GNG12: variants seen among roughly 807,000 people sequenced by gnomAD.
The protein encoded by GNG12 is G protein subunit gamma 12.
For synonymous variants in GNG12, 28 were observed against 29.7 expected (o/e 0.94, Z 0.19); for missense variants, 69 against 83.8 (o/e 0.82, Z 0.69).
chr1:67,710,918 T>C (rs1042861694), intron 2 of GNG12, among the ~76,000 whole-genome samples: 11 of 152,276 alleles, frequency 7.2e-5, no homozygotes, highest in African/African-American at 2.6e-4. Flanking sequence ...AATAAATGGG[T>C]AGGACAGGCA....
At chr1:67,716,912 C>A (rs1380141979) in intron 2 of GNG12, among the ~76,000 whole-genome samples, 2 of 152,150 alleles carry the variant, frequency 1.3e-5, no homozygotes, top group African/African-American at 4.8e-5. Context: ...TTCTCCTGTG[C>A]CCAAGAGAAG....
chr1:67,751,200 C>A (rs558010137), intron 2 of GNG12, among the ~76,000 whole-genome samples: 3 of 151,688 alleles, frequency 2.0e-5, no homozygotes, highest in Non-Finnish European at 4.4e-5. Context: ...CACACACACA[C>A]ACACACACAC....
intron 1 of GNG12, among the ~76,000 whole-genome samples, chr1:67,813,614 A>G (rs1646938163): frequency 6.6e-6 from 1 of 152,174 alleles, no homozygotes; most frequent in Admixed American, 6.5e-5. Context: ...TTAAAATGTT[A>G]AGTTTTTAAA....
intron 1 of GNG12, among the ~76,000 whole-genome samples, chr1:67,783,451 C>A (rs188834377): frequency 1.3e-5 from 2 of 152,216 alleles, no homozygotes; most frequent in Admixed American, 1.3e-4. Flanking sequence ...TTCCTGAGAT[C>A]TTCATATTTT....
chr1:67,819,021 G>A lies in GNG12; in HGVS notation c.-77+14323C>T, dbSNP rs1646970587. Among the ~76,000 whole-genome samples the A allele has an allele frequency of 2.6e-5, 4 of 152,272 alleles. No individual in the cohort carries two copies. In the South Asian group the frequency reaches 8.3e-4, roughly 32 times the overall value. On this transcript the variant is annotated intron_variant, in intron 1 of 3. Coordinates refer to ENST00000370982, the MANE Select transcript of GNG12 (RefSeq NM_018841.6). ...CTATGAGTTCAGGAAGTGACCCACT[G>A]AAATTTATGTTTTCAAGAAATCATG...
At chr1:67,770,452 G>A (rs1412464370) in intron 2 of GNG12, among the ~76,000 whole-genome samples, 1 of 152,162 alleles carries the variant, frequency 6.6e-6, no homozygotes, top group Non-Finnish European at 1.5e-5. Context: ...CTGTCCCCTT[G>A]CCCCATGGTG....
chr1:67,832,136 G>A (rs1186431056), intron 1 of GNG12, among the ~76,000 whole-genome samples: 1 of 152,210 alleles, frequency 6.6e-6, no homozygotes, highest in African/African-American at 2.4e-5. Flanking sequence ...GGGGGGAGAG[G>A]AAGTAACTGA....
intron 2 of GNG12, among the ~76,000 whole-genome samples, chr1:67,723,827 A>G (rs1210908341): frequency 1.3e-5 from 2 of 152,252 alleles, no homozygotes; most frequent in East Asian, 3.8e-4. Context: ...TAAGAAAAGA[A>G]AAACACCTAG....
intron 2 of GNG12, among the ~76,000 whole-genome samples, chr1:67,727,531 G>A (rs984143391): frequency 2.0e-5 from 3 of 152,244 alleles, no homozygotes; most frequent in Admixed American, 6.5e-5. Context: ...GAGCAGATCC[G>A]GCATTCGCAT....
intron 1 of GNG12, among the ~76,000 whole-genome samples, chr1:67,786,344 C>T (rs1035860768): frequency 6.6e-6 from 1 of 152,108 alleles, no homozygotes; most frequent in East Asian, 1.9e-4. Flanking sequence ...CATAACATGC[C>T]CAGTGCCTTG....
intron 2 of GNG12, among the ~76,000 whole-genome samples, chr1:67,762,655 T>G (rs775348407): frequency 7.9e-5 from 12 of 152,224 alleles, no homozygotes; most frequent in Non-Finnish European, 1.5e-5. Context: ...ACTCAGATTT[T>G]TGAGCATTAG....
intron 2 of GNG12, among the ~76,000 whole-genome samples, chr1:67,738,172 C>T (rs768034496): frequency 2.0e-5 from 3 of 152,064 alleles, no homozygotes; most frequent in Non-Finnish European, 4.4e-5. Flanking sequence ...CCTGGGCCCA[C>T]CTCAGCCTCT....
intron 2 of GNG12, among the ~76,000 whole-genome samples, chr1:67,732,009 A>T (rs1200315222): frequency 3.3e-5 from 5 of 152,226 alleles, no homozygotes; most frequent in African/African-American, 7.2e-5. Context: ...ACTTAAAATC[A>T]TTTATGAATG....
At chr1:67,723,413 C>T (rs1056424176) in intron 2 of GNG12, among the ~76,000 whole-genome samples, 9 of 152,138 alleles carry the variant, frequency 5.9e-5, no homozygotes, top group Admixed American at 5.2e-4. Context: ...TGTATAAATA[C>T]GTTTAGTTAA....
At chr1:67,754,633 A>C (rs964227160) in intron 2 of GNG12, among the ~76,000 whole-genome samples, 1 of 152,110 alleles carries the variant, frequency 6.6e-6, no homozygotes, top group African/African-American at 2.4e-5. Context: ...AGAAAAGTTG[A>C]CTGTGACCCT....
At position 67,784,778 on chromosome 1, in the gene GNG12, T is replaced by C. The variant is rs143324997; in HGVS notation, c.-76-7271A>G. On this transcript the variant is annotated intron_variant, in intron 1 of 3. Coordinates refer to ENST00000370982, the MANE Select transcript of GNG12 (RefSeq NM_018841.6). Reference sequence around the variant, plus strand: ...TAAGATAAGTATCTTTTCACTTATATAGCATTTCATAAATAATGTGTCACA... The same window carrying C: ...TAAGATAAGTATCTTTTCACTTATACAGCATTTCATAAATAATGTGTCACA... Among the ~76,000 whole-genome samples, 7 of 151,020 alleles carry C rather than the reference T, an allele frequency of 4.6e-5. No individual in the cohort carries two copies. In the East Asian group the frequency reaches 1.2e-3, roughly 25 times the overall value.
chr1:67,808,984 C>T (rs1646908546), intron 1 of GNG12, among the ~76,000 whole-genome samples: 1 of 152,104 alleles, frequency 6.6e-6, no homozygotes, highest in African/African-American at 2.4e-5. Context: ...GAATAGCCAA[C>T]TCAATATTGA....
chr1:67,807,425 C>T (rs758200018), intron 1 of GNG12, among the ~76,000 whole-genome samples: 1 of 146,220 alleles, frequency 6.8e-6, no homozygotes, highest in Non-Finnish European at 1.5e-5. Flanking sequence ...GATTAATATA[C>T]AAAGAAAAAT....
chr1:67,715,136 C>T (rs1325845612), intron 2 of GNG12, among the ~76,000 whole-genome samples: 1 of 152,124 alleles, frequency 6.6e-6, no homozygotes, highest in Non-Finnish European at 1.5e-5. Flanking sequence ...CCAGGCTGGT[C>T]TTGAACTCCT....
Sources: allele counts gnomAD v4.1 joint callset (sites outside exome capture counted in the v4.1 genomes callset), GRCh38; gene constraint gnomAD v4.1.1; transcripts MANE v1.5; gene names NCBI Gene and HGNC (gene_info 2026-07-23, HGNC 2026-07-21).